CD160: variants seen among roughly 807,000 people sequenced by gnomAD.
The protein encoded by CD160 is CD160 molecule, also known as CD160 antigen.
In CD160, 11 loss-of-function variants were observed where a neutral mutation model predicts 19.2. The ratio of observed to expected loss-of-function variants is 0.57; its 90% CI spans 0.36 to 0.95. The LOEUF is 0.95. CD160 is among the 40% of genes least tolerant of loss of function. CD160 has a pLI of 0.01. For missense variants in CD160, 182 were observed against 213.2 expected, an observed-to-expected ratio of 0.85 and a Z score of 0.91; for synonymous variants, 75 against 81.1, an observed-to-expected ratio of 0.93 and a Z score of 0.40.
intron 4 of CD160, among the ~76,000 whole-genome samples, chr1:145,735,112 A>G (rs1657430949): frequency 6.6e-6 from 1 of 152,152 alleles, no homozygotes; most frequent in Admixed American, 6.5e-5. Context: ...GTCTCAAAAA[A>G]AGAAATAATA....
chr1:145,728,693 G>A (rs1553708729), intron 3 of CD160, among the ~76,000 whole-genome samples: 1 of 151,770 alleles, frequency 6.6e-6, no homozygotes, highest in Non-Finnish European at 1.5e-5. Flanking sequence ...TAGTAGAGAC[G>A]GGGTTTCACC....
At chr1:145,735,820 T>G (rs1553710032) in intron 4 of CD160, among the ~76,000 whole-genome samples, 177 bp from the exon 5 acceptor site, 1 of 152,174 alleles carries the variant, frequency 6.6e-6, no homozygotes, top group African/African-American at 2.4e-5. Flanking sequence ...CTATACTTAT[T>G]TATGGCTGCC....
chr1:145,720,890 C>T (rs1304130716), intron 1 of CD160, among the ~76,000 whole-genome samples: 1 of 152,190 alleles, frequency 6.6e-6, no homozygotes, highest in Non-Finnish European at 1.5e-5. Flanking sequence ...TCCGAAGGTG[C>T]GGGAGGGAAG....
rs1429730221 is a variant in CD160, at chr1:145,738,821, T to G, written c.*328T>G. 12 of 206,690 alleles carry G rather than the reference T, an allele frequency of 5.8e-5. No individual in the cohort carries two copies. Among genetic ancestry groups the G allele is most frequent in the Non-Finnish European group, 9.6e-5 (10 of 103,756 alleles). The allele number at this position is 206,690 out of a possible 1,614,324, so 12.8% of individuals were successfully genotyped here. ...GTACCCCAGAAAAACTTTTCCTCCCTCTTCATCAACATAGTAAAATAAGTC... is the reference window on the plus strand; with the variant it reads ...GTACCCCAGAAAAACTTTTCCTCCCGCTTCATCAACATAGTAAAATAAGTC... On this transcript the variant is annotated 3_prime_UTR_variant, in exon 6 of 6. Coordinates refer to ENST00000369288, the MANE Select transcript of CD160 (RefSeq NM_007053.4).
In CD160 at chr1:145,719,531, G is replaced by A. The variant is rs77610992; in HGVS notation, c.-207G>A. ...ATTTCAACGTGAGCCCCCAGTCTGA[G>A]AACAAGAAAGAAGAACTTCTGTCTC... On this transcript the variant is annotated 5_prime_UTR_variant, in exon 1 of 6. Transcript: ENST00000369288. 6.6e-6 allele frequency: 1 copy of A among 152,500 alleles called. No individual in the cohort carries two copies. The highest frequency in any genetic ancestry group is 6.5e-5 in the Admixed American group (1 of 15,284). 9.4% of individuals were successfully genotyped at this position (152,500 alleles called of 1,614,324 possible).
At position 145,736,121 on chromosome 1, in the gene CD160, T is replaced by C. The variant is rs1553710107; in HGVS notation, c.525T>C (p.Leu175=). 1 of 1,614,056 alleles carries C rather than the reference T, an allele frequency of 6.2e-7. No individual in the cohort carries two copies. The highest frequency in any genetic ancestry group is 2.2e-5 in the East Asian group (1 of 44,896). The part of the protein sequence containing the change: ...EKVWVMLVTS[L]VALQAL ...TCTGGGTAATGCTGGTCACCAGCCTTGTGGCCCTTCAAGGTATGTCCAAAA... is the reference window on the plus strand; with the variant it reads ...TCTGGGTAATGCTGGTCACCAGCCTCGTGGCCCTTCAAGGTATGTCCAAAA... The change falls in exon 5 of 6, where the codon CTT becomes CTC. Residue 175 remains leucine (L), a synonymous_variant. Transcript: ENST00000369288.
chr1:145,737,288 C>T (rs1778522), intron 5 of CD160: 6,905 of 151,758 alleles, frequency 0.046, 546 homozygotes, highest in African/African-American at 0.16. Context: ...AATTGTTGCC[C>T]GTCACAGCAA....
chr1:145,735,855 T>C, intron 4 of CD160, 142 bp from the exon 5 acceptor site: 1 of 630,764 alleles, frequency 1.6e-6, no homozygotes. Flanking sequence ...TTACCCACAA[T>C]GTTAAAAATA....
At chr1:145,725,207 T>C (rs1370792712) in intron 2 of CD160, among the ~76,000 whole-genome samples, 1 of 151,692 alleles carries the variant, frequency 6.6e-6, no homozygotes, top group East Asian at 2.0e-4. Flanking sequence ...ATCACAAGGT[T>C]AGGAGTTCAA....
At chr1:145,731,495 AC>A (rs1164372315) in intron 4 of CD160, among the ~76,000 whole-genome samples, 2 of 152,044 alleles carry the variant, frequency 1.3e-5, no homozygotes, top group Non-Finnish European at 2.9e-5. Flanking sequence ...ACATGGAGAA[AC>A]CCTGTCTCTA....
intron 4 of CD160, among the ~76,000 whole-genome samples, chr1:145,733,097 T>TTC (rs1657358079): frequency 6.6e-6 from 1 of 152,116 alleles, no homozygotes; most frequent in East Asian, 1.9e-4. Context: ...ACTATCTTAC[T>TTC]TCTCCATGAA....
At chr1:145,731,320 A>G (rs1338910629) in intron 4 of CD160, among the ~76,000 whole-genome samples, 2 of 152,146 alleles carry the variant, frequency 1.3e-5, no homozygotes, top group African/African-American at 2.4e-5. Context: ...ATGGTGACAC[A>G]GGGGTTGAAG....
chr1:145,730,350 G>A (rs972807013), intron 3 of CD160, among the ~76,000 whole-genome samples: 7 of 151,966 alleles, frequency 4.6e-5, no homozygotes, highest in Non-Finnish European at 7.4e-5. Context: ...AAAAATCCCC[G>A]GTCATCTAAT....
At chr1:145,725,410 A>AC (rs1464549469) in intron 2 of CD160, among the ~76,000 whole-genome samples, 1 of 152,130 alleles carries the variant, frequency 6.6e-6, no homozygotes, top group Non-Finnish European at 1.5e-5. Flanking sequence ...GTGCCACTGC[A>AC]CTCCAGCCTG....
rs782089203 is a variant in CD160 at position 145,728,408 on chromosome 1, T to C, written c.73+8T>C. The C allele has an allele frequency of 2.5e-6, 4 of 1,596,778 alleles. No homozygotes were observed. Among genetic ancestry groups the C allele is most frequent in the Non-Finnish European group, 3.4e-6 (4 of 1,164,806 alleles). ...TGGACATCCAGTCTGGTGGTGAGGA[T>C]AGACCCTAGAGCAGAGACGGCCATG... On this transcript the variant is annotated splice_region_variant and intron_variant, in intron 3 of 5. Coordinates refer to ENST00000369288, the MANE Select transcript of CD160 (RefSeq NM_007053.4).
At chr1:145,727,606 TAAAA>T (rs1251125769) in intron 2 of CD160, among the ~76,000 whole-genome samples, 1 of 151,876 alleles carries the variant, frequency 6.6e-6, no homozygotes, top group Non-Finnish European at 1.5e-5. Flanking sequence ...AAAAGCCTCA[TAAAA>T]AAAGTGAAGA....
intron 5 of CD160, 64 bp downstream of exon 5, chr1:145,736,198 GGTT>G (rs782531602): frequency 1.2e-6 from 2 of 1,610,454 alleles, no homozygotes; most frequent in Non-Finnish European, 1.7e-6. Context: ...CTGCCACCTT[GGTT>G]ATTCTCCAGG....
Position 145,728,308 on chromosome 1 carries a change from G to C in CD160, c.-20G>C. On this transcript the variant is annotated 5_prime_UTR_variant, in exon 3 of 6. Coordinates refer to ENST00000369288, the MANE Select transcript of CD160 (RefSeq NM_007053.4). ...GCCAACATTTGCTTCAAGTTCCTGGGCCTGCTGACAGCGTGCAGGATGCTG... is the reference window on the plus strand; with the variant it reads ...GCCAACATTTGCTTCAAGTTCCTGGCCCTGCTGACAGCGTGCAGGATGCTG... The C allele has an allele frequency of 6.2e-7, 1 of 1,601,506 alleles. No homozygotes were observed. Among genetic ancestry groups the C allele is most frequent in the Non-Finnish European group, 8.5e-7 (1 of 1,170,572 alleles).
Position 145,724,791 on chromosome 1 carries a change from C to T in CD160, c.-178-10C>T, listed in dbSNP as rs1410459169. On this transcript the variant is annotated splice_polypyrimidine_tract_variant and intron_variant, in intron 1 of 5. Coordinates refer to ENST00000369288, the MANE Select transcript of CD160 (RefSeq NM_007053.4). ...GTGTGTAATTTTTGATTTTGGTTTT[C>T]TTGAGACAGGGTCTCACTGTCAACC... 6.6e-6 allele frequency: 1 copy of T among 151,858 alleles called. No individual in the cohort carries two copies. 9.4% of individuals were successfully genotyped at this position (151,858 alleles called of 1,614,324 possible).
Sources: allele counts gnomAD v4.1 joint callset (sites outside exome capture counted in the v4.1 genomes callset), GRCh38; gene constraint gnomAD v4.1.1; transcripts MANE v1.5; gene names NCBI Gene and HGNC (gene_info 2026-07-23, HGNC 2026-07-21).